The following PHF8 variants were observed in gnomAD, a reference collection of about 807,000 sequenced individuals.
PHF8 encodes histone lysine demethylase PHF8.
In PHF8, 9 loss-of-function variants were observed where a neutral mutation model predicts 74.4. The observed-to-expected ratio is 0.12, with a 90% CI of 0.07 to 0.21. The LOEUF (loss-of-function observed/expected upper bound fraction) is 0.21, where lower values mean the gene tolerates loss of function less well. Ranked by LOEUF, PHF8 falls within the 10% of genes least tolerant of loss-of-function variation. The pLI, the probability that PHF8 is intolerant of heterozygous loss-of-function variation, is 1.00. For missense variants in PHF8, 478 were observed against 816.6 expected (o/e 0.59, Z 5.05); for synonymous variants, 311 against 316.6 (o/e 0.98, Z 0.19).
intron 18 of PHF8, among the ~76,000 whole-genome samples, chrX:53,976,073 G>A (rs1277091420): frequency 9.0e-6 from 1 of 110,668 alleles, no homozygotes; most frequent in Non-Finnish European, 1.9e-5. Flanking sequence ...CCAGTACTTC[G>A]GGAGGCCAAG....
chrX:54,046,931 A>G (rs1314979719), upstream of PHF8, among the ~76,000 whole-genome samples: 6 of 112,464 alleles, frequency 5.3e-5, no homozygotes, highest in Non-Finnish European at 1.1e-4. Flanking sequence ...GGTGGATCTC[A>G]AAAATGTCAG....
chrX:54,024,397 A>G (rs1254870993), intron 2 of PHF8, among the ~76,000 whole-genome samples: 5 of 112,320 alleles, frequency 4.5e-5, no homozygotes, highest in African/African-American at 1.6e-4. Flanking sequence ...GATATTCCCC[A>G]GACCTTGTAG....
At chrX:53,978,298 C>G (rs2065419798) in intron 18 of PHF8, among the ~76,000 whole-genome samples, 1 of 110,877 alleles carries the variant, frequency 9.0e-6, no homozygotes, top group Non-Finnish European at 1.9e-5. Context: ...CCAGGAATCC[C>G]ATTCCTAGGT....
intron 5 of PHF8, 70 bp downstream of exon 5, chrX:54,017,591 G>T: frequency 3.2e-6 from 3 of 940,678 alleles, no homozygotes; most frequent in Non-Finnish European, 4.6e-6. Flanking sequence ...AAAACAGATT[G>T]GAGGGGAAGG....
Position 53,946,578 on chromosome X carries a change from C to A in PHF8, c.2540-2335G>T, listed in dbSNP as rs150314940. Among the ~76,000 whole-genome samples the A allele has an allele frequency of 1.5e-4, 17 of 112,014 alleles. No individual in the cohort carries two copies. In the East Asian group the frequency reaches 3.9e-3, roughly 26 times the overall value. On this transcript the variant is annotated intron_variant, in intron 19 of 21. Coordinates refer to ENST00000338154, the MANE Select transcript of PHF8 (RefSeq NM_015107.3). ...AGGACATGCTACAGGGCAATTACAC[C>A]AGTGTCAACAACAAATCAATAGCAC...
chrX:53,989,701 T>A (rs886373528), intron 14 of PHF8, among the ~76,000 whole-genome samples: 6 of 111,992 alleles, frequency 5.4e-5, no homozygotes, highest in Non-Finnish European at 1.1e-4. Context: ...TTTTGGTAAA[T>A]CAGTAAATTG....
At chrX:53,982,082 G>A (rs1373113565) in intron 18 of PHF8, among the ~76,000 whole-genome samples, 2 of 112,360 alleles carry the variant, frequency 1.8e-5, no homozygotes, top group African/African-American at 6.5e-5. Context: ...GGCGAAGGAG[G>A]GAGGAGAGGC....
At chrX:54,031,232 T>C (rs2066349699) in intron 2 of PHF8, among the ~76,000 whole-genome samples, 1 of 111,379 alleles carries the variant, frequency 9.0e-6, no homozygotes, top group African/African-American at 3.3e-5. Flanking sequence ...GATGTGGAAC[T>C]GAGTGGGAGC....
intron 18 of PHF8, among the ~76,000 whole-genome samples, chrX:53,964,519 A>C (rs1375224741): frequency 1.8e-5 from 2 of 111,608 alleles, no homozygotes; most frequent in Non-Finnish European, 3.8e-5. Context: ...GCCAGAACAA[A>C]TGCTATACAA....
In PHF8 at chrX:54,022,274, C is replaced by T. The variant is rs1557110183; in HGVS notation, c.278G>A (p.Ser93Asn). 1.7e-6 allele frequency: 2 copies of T among 1,178,346 alleles called. No individual in the cohort carries two copies. The highest frequency in any genetic ancestry group is 3.5e-5 in the African/African-American group (2 of 56,598). ...GSPTFVRELR[S>N]RTFDSSDEVI... is the part of the protein sequence containing the mutation. ...GGTTCCTCACCTGTCAAAAGTCCTA[C>T]TCCGGAGCTCTCTGACGAACGTAGG... Residue 93 changes from serine to asparagine, a missense_variant, in exon 4 of 22, where the codon AGT (serine) becomes AAT (asparagine). By Grantham distance (46) the Ser-to-Asn change is conservative. Around this residue, in one of 9 missense-constraint regions of PHF8, gnomAD observed 28 missense variants for 33.4 expected, o/e 0.84. Transcript: ENST00000338154.
chrX:54,045,946 G>GATGGTT (rs1569530650), upstream of PHF8, among the ~76,000 whole-genome samples: 3 of 21,395 alleles, frequency 1.4e-4, no homozygotes, highest in Non-Finnish European at 6.3e-4. Flanking sequence ...ATGGTTTAGG[G>GATGGTT]TTTTTTTTTT....
At chrX:54,026,871 T>C (rs1330720097) in intron 2 of PHF8, among the ~76,000 whole-genome samples, 3 of 111,224 alleles carry the variant, frequency 2.7e-5, no homozygotes, top group Non-Finnish European at 5.7e-5. Context: ...TCCCAAAGTG[T>C]TGGGATTACA....
chrX:53,961,476 C>T (rs1467077535), intron 19 of PHF8, among the ~76,000 whole-genome samples: 6 of 110,556 alleles, frequency 5.4e-5, no homozygotes, highest in South Asian at 3.9e-4. Context: ...TATAGGCGCC[C>T]GCCACCATTC....
intron 19 of PHF8, among the ~76,000 whole-genome samples, chrX:53,961,020 T>C (rs1174606832): frequency 9.1e-6 from 1 of 109,672 alleles, no homozygotes; most frequent in Non-Finnish European, 1.9e-5. Flanking sequence ...AAAATAGGCC[T>C]AAGTTTTCTT....
At chrX:54,019,537 T>C (rs782453107) in intron 4 of PHF8, among the ~76,000 whole-genome samples, 2 of 110,095 alleles carry the variant, frequency 1.8e-5, no homozygotes, top group Non-Finnish European at 3.8e-5. Flanking sequence ...ACACCTGTAA[T>C]CCCAGCACTT....
At chrX:54,043,275 C>T (rs1382465436) in intron 1 of PHF8, 12 of 201,153 alleles carry the variant, frequency 6.0e-5, no homozygotes, top group Non-Finnish European at 8.1e-5. Context: ...ATAGGGCCAA[C>T]CAGAGAGAGA....
intron 8 of PHF8, among the ~76,000 whole-genome samples, chrX:54,006,312 T>C (rs1188264738): frequency 1.8e-5 from 2 of 109,947 alleles, no homozygotes; most frequent in African/African-American, 6.6e-5. Context: ...CAAAACCCCA[T>C]CTCCACTAAA....
intron 19 of PHF8, among the ~76,000 whole-genome samples, chrX:53,961,631 T>TA (rs2065107344): frequency 2.7e-5 from 3 of 111,167 alleles, no homozygotes; most frequent in African/African-American, 6.5e-5. Context: ...AATTTTTTTT[T>TA]AAAAAGAAAC....
intron 21 of PHF8, 34 bp from the exon 22 acceptor site, chrX:53,939,280 G>A: frequency 1.8e-6 from 2 of 1,128,469 alleles, no homozygotes; most frequent in Non-Finnish European, 2.4e-6. Flanking sequence ...CAAGGGCTTT[G>A]GCAAGGGCTT....
Sources: allele counts gnomAD v4.1 joint callset (sites outside exome capture counted in the v4.1 genomes callset), GRCh38; gene constraint gnomAD v4.1.1; regional missense constraint gnomAD v4.1.1; transcripts MANE v1.5; gene names NCBI Gene and HGNC (gene_info 2026-07-23, HGNC 2026-07-21).